FHIT: variants seen among roughly 807,000 people sequenced by gnomAD.
The protein encoded by FHIT is fragile histidine triad diadenosine triphosphatase.
Under a neutral mutation model 17.9 loss-of-function variants are expected in FHIT, and 19 were observed. The ratio of observed to expected loss-of-function variants is 1.06; its 90% CI spans 0.74 to 1.56. FHIT has a LOEUF of 1.56. Ranked by LOEUF, FHIT falls within the 40% of genes most tolerant of loss-of-function variation. The pLI, the probability that FHIT is intolerant of heterozygous loss-of-function variation, is 0.00. For missense variants in FHIT, 248 were observed against 189.2 expected, an observed-to-expected ratio of 1.31 and a Z score of -1.82; for synonymous variants, 81 against 69.7, an observed-to-expected ratio of 1.16 and a Z score of -0.81.
chr3:60,399,407 G>A (rs1447632858), intron 5 of FHIT, among the ~76,000 whole-genome samples: 1 of 152,078 alleles, frequency 6.6e-6, no homozygotes, highest in Non-Finnish European at 1.5e-5. Context: ...GAATATCAAT[G>A]CCTGTGACAT....
intron 4 of FHIT, among the ~76,000 whole-genome samples, chr3:60,602,299 A>G (rs1333615292): frequency 6.6e-6 from 1 of 152,214 alleles, no homozygotes; most frequent in Non-Finnish European, 1.5e-5. Flanking sequence ...GTCAATTACA[A>G]TAGGGAAAAG....
At chr3:60,831,570 GTA>G (rs1380962174) in intron 3 of FHIT, among the ~76,000 whole-genome samples, 2 of 151,552 alleles carry the variant, frequency 1.3e-5, no homozygotes, top group Admixed American at 1.3e-4. Flanking sequence ...AGTTCGGGTT[GTA>G]CCTCTGCCAC....
At chr3:60,158,125 G>A (rs572643117) in intron 5 of FHIT, among the ~76,000 whole-genome samples, 5 of 152,198 alleles carry the variant, frequency 3.3e-5, no homozygotes, top group East Asian at 1.9e-4. Context: ...GAAGAAAAAA[G>A]CAAACCCTTG....
chr3:60,563,901 T>A (rs377501074), intron 4 of FHIT, among the ~76,000 whole-genome samples: 12 of 152,292 alleles, frequency 7.9e-5, no homozygotes, highest in African/African-American at 2.9e-4. Flanking sequence ...CCAGAAGAGC[T>A]GGCAAAGATA....
chr3:60,379,552 T>C (rs889007229), intron 5 of FHIT, among the ~76,000 whole-genome samples: 1 of 152,204 alleles, frequency 6.6e-6, no homozygotes, highest in Admixed American at 6.5e-5. Flanking sequence ...TTGAGTACTG[T>C]TGGTTCAACA....
chr3:60,973,712 T>C (rs967238521), intron 3 of FHIT, among the ~76,000 whole-genome samples: 3 of 152,188 alleles, frequency 2.0e-5, no homozygotes, highest in Admixed American at 6.6e-5. Context: ...AAACATGTAG[T>C]AATGGAAAAC....
intron 2 of FHIT, among the ~76,000 whole-genome samples, chr3:61,119,377 AT>A (rs1247493582): frequency 4.6e-5 from 7 of 151,596 alleles, no homozygotes; most frequent in Non-Finnish European, 5.9e-5. Flanking sequence ...TGCCCAGCTA[AT>A]TTTTTTTGTA....
At chr3:60,717,248 T>A (rs2041705842) in intron 4 of FHIT, among the ~76,000 whole-genome samples, 1 of 152,106 alleles carries the variant, frequency 6.6e-6, no homozygotes, top group Non-Finnish European at 1.5e-5. Context: ...ATAACTATAG[T>A]TAATAATAAT....
chr3:60,106,686 CCTTT>C (rs1239033672), intron 5 of FHIT, among the ~76,000 whole-genome samples: 1 of 152,128 alleles, frequency 6.6e-6, no homozygotes, highest in Non-Finnish European at 1.5e-5. Flanking sequence ...ACTCCCCTAT[CCTTT>C]CTATCTTCCC....
chr3:60,719,020 T>C (rs1553707450), intron 4 of FHIT, among the ~76,000 whole-genome samples: 1 of 152,178 alleles, frequency 6.6e-6, no homozygotes, highest in African/African-American at 2.4e-5. Flanking sequence ...ATACCTGAAC[T>C]GTGGTAGAAC....
At position 61,087,786 on chromosome 3, in the gene FHIT, G is replaced by A. The variant is rs144920400; in HGVS notation, c.-163-45687C>T. Among the ~76,000 whole-genome samples the A allele has an allele frequency of 2.2e-3, 332 of 152,276 alleles. 1 individual carries two copies. Among genetic ancestry groups the A allele is most frequent in the Admixed American group, 4.3e-3 (66 of 15,276 alleles). The stretch of plus-strand genomic sequence containing the variant: ...ATCACTTGCATTGGTAGATTTGGTA[G>A]AGACTTCATTTCTTTGATTTCTGTA... On this transcript the variant is annotated intron_variant, in intron 2 of 9. Coordinates refer to ENST00000492590, the MANE Select transcript of FHIT (RefSeq NM_002012.4).
chr3:61,095,017 T>G (rs1035246755), intron 2 of FHIT, among the ~76,000 whole-genome samples: 3 of 152,222 alleles, frequency 2.0e-5, no homozygotes, highest in Admixed American at 2.0e-4. Flanking sequence ...GACCACTGTA[T>G]GTGAGGACTA....
chr3:60,840,995 T>C (rs1260129149), intron 3 of FHIT, among the ~76,000 whole-genome samples: 1 of 152,218 alleles, frequency 6.6e-6, no homozygotes, highest in Non-Finnish European at 1.5e-5. Flanking sequence ...TTTATTAGCT[T>C]ATTACAACAG....
chr3:61,026,385 T>A (rs2032733473), intron 3 of FHIT, among the ~76,000 whole-genome samples: 1 of 152,072 alleles, frequency 6.6e-6, no homozygotes, highest in South Asian at 2.1e-4. Flanking sequence ...AGAACGACAA[T>A]AATAATGGTA....
chr3:61,055,593 C>T (rs1209877811), intron 2 of FHIT, among the ~76,000 whole-genome samples: 1 of 152,184 alleles, frequency 6.6e-6, no homozygotes, highest in Admixed American at 6.5e-5. Context: ...TCTACAGTTT[C>T]TGGGTGATTC....
At chr3:60,800,779 G>C (rs1201838871) in intron 4 of FHIT, among the ~76,000 whole-genome samples, 1 of 152,172 alleles carries the variant, frequency 6.6e-6, no homozygotes, top group Non-Finnish European at 1.5e-5. Context: ...AGAGTATGGA[G>C]TATGAACAGC....
chr3:60,772,956 C>A (rs1700095332), intron 4 of FHIT, among the ~76,000 whole-genome samples: 1 of 152,128 alleles, frequency 6.6e-6, no homozygotes, highest in Admixed American at 6.5e-5. Flanking sequence ...CATTGCATAG[C>A]CATCCCTACG....
chr3:60,384,980 G>A (rs1211791127), intron 5 of FHIT, among the ~76,000 whole-genome samples: 6 of 152,006 alleles, frequency 3.9e-5, no homozygotes, highest in Non-Finnish European at 8.8e-5. Context: ...ACAGTAATAG[G>A]CATGGCCTTC....
At chr3:60,116,961 G>A (rs190367685) in intron 5 of FHIT, among the ~76,000 whole-genome samples, 61 of 151,756 alleles carry the variant, frequency 4.0e-4, no homozygotes, top group Non-Finnish European at 6.0e-4. Flanking sequence ...AATGCACCAT[G>A]GGTTAAAAAA....
Sources: allele counts gnomAD v4.1 joint callset (sites outside exome capture counted in the v4.1 genomes callset), GRCh38; gene constraint gnomAD v4.1.1; transcripts MANE v1.5; gene names NCBI Gene and HGNC (gene_info 2026-07-23, HGNC 2026-07-21).